Variants in GLT1D1 observed in about 807,000 individuals in gnomAD.
The protein encoded by GLT1D1 is glycosyltransferase 1 domain-containing protein 1.
GLT1D1 carries 21 observed loss-of-function variants against 28.7 expected under a neutral mutation model. The observed-to-expected ratio is 0.73, with a 90% CI of 0.52 to 1.05. GLT1D1 has a LOEUF of 1.05. GLT1D1 is among the 50% of genes least tolerant of loss of function. GLT1D1 has a pLI of 0.00. For missense variants in GLT1D1, 343 were observed against 330.6 expected (o/e 1.04, Z -0.29); for synonymous variants, 147 against 124.8 (o/e 1.18, Z -1.19).
chr12:128,877,899 C>T (rs1436013119), intron 2 of GLT1D1, among the ~76,000 whole-genome samples: 1 of 152,202 alleles, frequency 6.6e-6, no homozygotes, highest in African/African-American at 2.4e-5. Context: ...TGCTGATGTG[C>T]ATCCATTATA....
At chr12:128,898,411 A>T (rs1159029610) in intron 3 of GLT1D1, among the ~76,000 whole-genome samples, 1 of 152,116 alleles carries the variant, frequency 6.6e-6, no homozygotes, top group African/African-American at 2.4e-5. Flanking sequence ...GCCTGGGCTC[A>T]AGTGATCTTC....
intron 4 of GLT1D1, among the ~76,000 whole-genome samples, chr12:128,926,776 T>C (rs745629407): frequency 1.3e-5 from 2 of 152,118 alleles, no homozygotes; most frequent in African/African-American, 2.4e-5. Context: ...GCATTTGGAG[T>C]TTTGGTTATT....
intron 4 of GLT1D1, among the ~76,000 whole-genome samples, chr12:128,927,364 G>A (rs1157239820): frequency 1.3e-5 from 2 of 151,862 alleles, no homozygotes; most frequent in Non-Finnish European, 2.9e-5. Flanking sequence ...TCAGCCTCCC[G>A]AATAGCTGGG....
intron 7 of GLT1D1, among the ~76,000 whole-genome samples, chr12:128,979,635 T>G (rs1041424046): frequency 2.0e-5 from 3 of 152,044 alleles, no homozygotes; most frequent in Non-Finnish European, 4.4e-5. Flanking sequence ...TGCCTATATT[T>G]CCAGCTACTT....
intron 6 of GLT1D1, among the ~76,000 whole-genome samples, chr12:128,953,159 C>T (rs954450985): frequency 6.6e-5 from 10 of 152,154 alleles, no homozygotes; most frequent in Non-Finnish European, 2.9e-5. Context: ...ACCCCTTGCC[C>T]ACTTTTTCAC....
chr12:128,984,409 C>T lies in GLT1D1; in HGVS notation c.*1319C>T, dbSNP rs1345469078. On this transcript the variant is annotated 3_prime_UTR_variant, in exon 8 of 8. Coordinates refer to ENST00000281703, the MANE Select transcript of GLT1D1 (RefSeq NM_144669.3). The stretch of plus-strand genomic sequence containing the variant: ...AAATTAAACTCCTTAAACTCTGATG[C>T]CCTGGGGATGAGAACAACTAGCTTG... 1 of 151,752 alleles carries T rather than the reference C, an allele frequency of 6.6e-6. No individual in the cohort carries two copies. The highest frequency in any genetic ancestry group is 1.5e-5 in the Non-Finnish European group (1 of 67,970). 9.4% of individuals were successfully genotyped at this position (151,752 alleles called of 1,614,324 possible).
intron 2 of GLT1D1, among the ~76,000 whole-genome samples, chr12:128,885,453 C>A (rs1957154950): frequency 6.6e-6 from 1 of 152,200 alleles, no homozygotes; most frequent in Middle Eastern, 3.4e-3. Flanking sequence ...AAACTCCATA[C>A]CTCAAGTGAT....
At chr12:128,977,541 G>GGAAAA (rs1214160394) in intron 7 of GLT1D1, among the ~76,000 whole-genome samples, 2 of 151,980 alleles carry the variant, frequency 1.3e-5, no homozygotes, top group African/African-American at 4.8e-5. Context: ...GACCTCTCTT[G>GGAAAA]GAAAAGAAAA....
At chr12:128,882,122 G>A (rs1957074134) in intron 2 of GLT1D1, among the ~76,000 whole-genome samples, 1 of 152,058 alleles carries the variant, frequency 6.6e-6, no homozygotes, top group South Asian at 2.1e-4. Context: ...AACCTTAACA[G>A]CTTGGAGAAG....
At chr12:128,912,650 A>G (rs1366482732) in intron 4 of GLT1D1, among the ~76,000 whole-genome samples, 190 bp downstream of exon 5, 1 of 152,110 alleles carries the variant, frequency 6.6e-6, no homozygotes, top group Admixed American at 6.5e-5. Flanking sequence ...AAAAATAATC[A>G]GTGAAATGGC....
At chr12:128,924,475 A>AT (rs1378052827) in intron 4 of GLT1D1, among the ~76,000 whole-genome samples, 3 of 151,332 alleles carry the variant, frequency 2.0e-5, no homozygotes, top group African/African-American at 4.8e-5. Flanking sequence ...TTATTTATTT[A>AT]TTTTTTTGAG....
At chr12:128,920,585 A>G (rs779292393) in intron 4 of GLT1D1, among the ~76,000 whole-genome samples, 2 of 152,134 alleles carry the variant, frequency 1.3e-5, no homozygotes, top group Non-Finnish European at 2.9e-5. Context: ...AAAGAAAATA[A>G]TAAAGACAGC....
At chr12:128,954,351 C>T (rs1296642075) in intron 6 of GLT1D1, among the ~76,000 whole-genome samples, 1 of 148,432 alleles carries the variant, frequency 6.7e-6, no homozygotes, top group African/African-American at 2.5e-5. Context: ...AGGATGGTCT[C>T]GATCTCCTGA....
At chr12:128,973,348 ATTTTTT>A (rs369304204) in intron 7 of GLT1D1, among the ~76,000 whole-genome samples, 1 of 118,870 alleles carries the variant, frequency 8.4e-6, no homozygotes, top group African/African-American at 3.2e-5. Context: ...ACACCTGGCT[ATTTTTT>A]TTTTTTTTTT....
At chr12:128,975,451 TTTTTA>T (rs200582160) in intron 7 of GLT1D1, among the ~76,000 whole-genome samples, 1 of 135,884 alleles carries the variant, frequency 7.4e-6, no homozygotes, top group Non-Finnish European at 1.6e-5. Flanking sequence ...GTTTTTTTGT[TTTTTA>T]TTTTTTTCTT....
intron 3 of GLT1D1, among the ~76,000 whole-genome samples, chr12:128,894,822 C>CTTGCT (rs1869446979): frequency 1.3e-5 from 2 of 151,582 alleles, no homozygotes; most frequent in Non-Finnish European, 1.5e-5. Context: ...TGCACTCCAA[C>CTTGCT]CTGGGTAACA....
intron 1 of GLT1D1, among the ~76,000 whole-genome samples, chr12:128,870,810 G>A (rs771121863): frequency 2.0e-5 from 3 of 151,930 alleles, no homozygotes; most frequent in Non-Finnish European, 2.9e-5. Flanking sequence ...TGCCAACATG[G>A]TGAAACTCCA....
At chr12:128,881,638 C>A (rs1458930396) in intron 2 of GLT1D1, among the ~76,000 whole-genome samples, 7 of 103,738 alleles carry the variant, frequency 6.7e-5, no homozygotes, top group South Asian at 3.1e-4. Context: ...ATTTATATAC[C>A]TATATAAATA....
At chr12:128,973,179 GTTTTTTTT>G (rs61169176) in intron 7 of GLT1D1, among the ~76,000 whole-genome samples, 37 of 50,984 alleles carry the variant, frequency 7.3e-4, no homozygotes, top group African/African-American at 1.3e-3. Context: ...TGTTTGCTTG[GTTTTTTTT>G]TTTTTTTTTT....
Sources: allele counts gnomAD v4.1 joint callset (sites outside exome capture counted in the v4.1 genomes callset), GRCh38; gene constraint gnomAD v4.1.1; transcripts MANE v1.5; gene names NCBI Gene and HGNC (gene_info 2026-07-23, HGNC 2026-07-21).